The following ADAM19 variants were observed in gnomAD, a reference collection of about 807,000 sequenced individuals.
ADAM19 encodes ADAM metallopeptidase domain 19.
Under a neutral mutation model 114.7 loss-of-function variants are expected in ADAM19, and 65 were observed. The ratio of observed to expected loss-of-function variants is 0.57; its 90% CI spans 0.46 to 0.70. The LOEUF is 0.70. ADAM19 is among the 30% of genes least tolerant of loss of function. The pLI, the probability that ADAM19 is intolerant of heterozygous loss-of-function variation, is 0.00. For synonymous variants in ADAM19, 466 were observed against 460.5 expected, an observed-to-expected ratio of 1.01 and a Z score of -0.15; for missense variants, 1,063 against 1,204.7, an observed-to-expected ratio of 0.88 and a Z score of 1.74.
chr5:157,570,304 A>G (rs1757786963), intron 2 of ADAM19: 1 of 112,476 alleles, frequency 8.9e-6, no homozygotes, highest in Non-Finnish European at 2.1e-5. Context: ...AACAAAAAAC[A>G]AAAACCAGAA....
chr5:157,509,792 T>C (rs908311652), intron 8 of ADAM19, among the ~76,000 whole-genome samples: 1 of 152,188 alleles, frequency 6.6e-6, no homozygotes, highest in Non-Finnish European at 1.5e-5. Context: ...AGATAGGACA[T>C]AAAATTGCTT....
At chr5:157,489,822 C>T (rs1421885117) in intron 19 of ADAM19, among the ~76,000 whole-genome samples, 3 of 152,132 alleles carry the variant, frequency 2.0e-5, no homozygotes, top group Non-Finnish European at 4.4e-5. Flanking sequence ...CCCGTCTCTA[C>T]TAAAAATACA....
At chr5:157,573,290 ATTGT>A (rs1207172036) in intron 1 of ADAM19, among the ~76,000 whole-genome samples, 1 of 152,228 alleles carries the variant, frequency 6.6e-6, no homozygotes, top group Non-Finnish European at 1.5e-5. Flanking sequence ...GTATCAGAGC[ATTGT>A]TTAACAGACT....
intron 4 of ADAM19, among the ~76,000 whole-genome samples, chr5:157,534,086 G>A (rs1455503094): frequency 2.0e-5 from 3 of 152,150 alleles, no homozygotes; most frequent in Non-Finnish European, 4.4e-5. Flanking sequence ...CGAAAATAGA[G>A]CACCTGGCTT....
intron 8 of ADAM19, among the ~76,000 whole-genome samples, chr5:157,510,201 G>A (rs190172545): frequency 2.6e-4 from 40 of 152,330 alleles, no homozygotes; most frequent in South Asian, 1.2e-3. Flanking sequence ...CCAGCCAAGC[G>A]TGGTGGCTCA....
intron 7 of ADAM19, among the ~76,000 whole-genome samples, chr5:157,517,940 TG>T (rs1385152588): frequency 2.0e-5 from 3 of 152,150 alleles, no homozygotes; most frequent in Non-Finnish European, 4.4e-5. Context: ...CCTGACAGTC[TG>T]GGATTCAGGA....
intron 3 of ADAM19, among the ~76,000 whole-genome samples, chr5:157,558,521 G>C: frequency 6.6e-6 from 1 of 152,324 alleles, no homozygotes; most frequent in Non-Finnish European, 1.5e-5. Context: ...TTTACTAAGA[G>C]CATTGGGATA....
At chr5:157,502,737 T>C in intron 12 of ADAM19, 66 bp downstream of exon 12, 3 of 1,559,264 alleles carry the variant, frequency 1.9e-6, no homozygotes, top group Non-Finnish European at 2.6e-6. Flanking sequence ...TGTGTTCTCT[T>C]TGACCTTGAG....
At chr5:157,518,966 C>T (rs1424830340) in intron 6 of ADAM19, 78 bp from the exon 7 acceptor site, 7 of 1,219,834 alleles carry the variant, frequency 5.7e-6, no homozygotes, top group Middle Eastern at 3.8e-4. Context: ...AGAAACAGAG[C>T]TGCTGGATAA....
intron 2 of ADAM19, chr5:157,566,174 G>A (rs993264978): frequency 6.6e-6 from 1 of 151,226 alleles, no homozygotes; most frequent in Non-Finnish European, 1.5e-5. Context: ...TAACCTGTTA[G>A]AGAATGGTTA....
At position 157,518,864 on chromosome 5, in the gene ADAM19, T is replaced by G. The variant is rs201737884; in HGVS notation, c.625A>C (p.Met209Leu). Residue 209 changes from methionine (M) to leucine (L), a missense_variant, in exon 7 of 23, where the codon ATG becomes CTG. Transcript: ENST00000257527. ...ACGAGGTAAAGCTCCACATACTTCA[T>G]GGAGTTTAAATCTTCCCTTTTCATC... ...RRMKREDLNS[M>L]KYVELYLVAD... is the part of the protein sequence containing the mutation. 1 of 1,614,066 alleles carries G rather than the reference T, an allele frequency of 6.2e-7. No individual in the cohort carries two copies. The highest frequency in any genetic ancestry group is 1.7e-5 in the Admixed American group (1 of 60,022).
intron 19 of ADAM19, 65 bp from the exon 20 acceptor site, chr5:157,489,251 T>C (rs1195293768): frequency 3.3e-6 from 4 of 1,229,008 alleles, no homozygotes; most frequent in Non-Finnish European, 4.8e-6. Context: ...AGTGCCTGAG[T>C]TCCCTTTGAC....
intron 3 of ADAM19, among the ~76,000 whole-genome samples, chr5:157,561,074 A>C (rs1757496590): frequency 6.6e-6 from 1 of 152,374 alleles, no homozygotes; most frequent in Non-Finnish European, 1.5e-5. Context: ...AATAACCGAC[A>C]CAAAAGCAAT....
chr5:157,513,191 A>C (rs1755974835), intron 8 of ADAM19, among the ~76,000 whole-genome samples: 1 of 152,230 alleles, frequency 6.6e-6, no homozygotes, highest in African/African-American at 2.4e-5. Flanking sequence ...GATTTACGAC[A>C]GCCTTTCTAT....
At chr5:157,482,907 G>C (rs1439410413) in intron 21 of ADAM19, among the ~76,000 whole-genome samples, 1 of 152,134 alleles carries the variant, frequency 6.6e-6, no homozygotes, top group Non-Finnish European at 1.5e-5. Flanking sequence ...TCCTTTGCAG[G>C]GACATGGATG....
chr5:157,490,245 A>G (rs1755104918), intron 19 of ADAM19, 65 bp downstream of exon 19: 1 of 1,579,938 alleles, frequency 6.3e-7, no homozygotes, highest in African/African-American at 1.3e-5. Flanking sequence ...TTTGCTAAGT[A>G]CCATTTATGG....
At chr5:157,571,793 T>C (rs1176123172) in intron 1 of ADAM19, among the ~76,000 whole-genome samples, 1 of 152,112 alleles carries the variant, frequency 6.6e-6, no homozygotes, top group Non-Finnish European at 1.5e-5. Flanking sequence ...AGCGGTGGGA[T>C]TCTGGGCATA....
intron 3 of ADAM19, among the ~76,000 whole-genome samples, chr5:157,545,553 T>G (rs1757026368): frequency 6.6e-6 from 1 of 152,148 alleles, no homozygotes; most frequent in Admixed American, 6.6e-5. Context: ...AAAAGATTGT[T>G]TAGGAGAAGC....
intron 19 of ADAM19, 39 bp downstream of exon 19, chr5:157,490,271 A>T (rs1400416604): frequency 6.2e-7 from 1 of 1,610,852 alleles, no homozygotes; most frequent in African/African-American, 1.3e-5. Flanking sequence ...TTTGTGACCC[A>T]TAAATTGACC....
Sources: gnomAD v4.1 joint callset for allele counts (sites outside exome capture counted in the v4.1 genomes callset) on GRCh38, gnomAD v4.1.1 for gene constraint, MANE v1.5 for transcripts, NCBI Gene and HGNC (gene_info 2026-07-23, HGNC 2026-07-21) for gene names.